LHX8: variants seen among roughly 807,000 people sequenced by gnomAD.
LHX8 encodes LIM homeobox 8.
A neutral mutation model predicts 40.3 loss-of-function variants in LHX8; 12 were observed. The observed-to-expected ratio is 0.30, with a 90% CI of 0.19 to 0.48. The LOEUF (loss-of-function observed/expected upper bound fraction) is 0.48. Among genes scored for constraint, LHX8 ranks in the 20% least tolerant of loss-of-function variants. LHX8 has a pLI of 0.99. For synonymous variants in LHX8, 179 were observed against 162.0 expected (o/e 1.10, Z -0.80); for missense variants, 344 against 433.7 (o/e 0.79, Z 1.84).
At chr1:75,170,057 A>G in the LHX8 span, among the ~76,000 whole-genome samples, 2 of 152,160 alleles carry the variant, frequency 1.3e-5, no homozygotes, top group Non-Finnish European at 2.9e-5. Context: ...AATGGCCACT[A>G]TGTGCTGTTT....
At chr1:75,129,739 A>G (rs1647913535), upstream of LHX8, among the ~76,000 whole-genome samples, 1 of 152,164 alleles carries the variant, frequency 6.6e-6, no homozygotes, top group South Asian at 2.1e-4. Flanking sequence ...GGGCTTTCAG[A>G]CATCCCTGGG....
chr1:75,171,877 T>G, the LHX8 span, among the ~76,000 whole-genome samples: 1 of 152,334 alleles, frequency 6.6e-6, no homozygotes, highest in African/African-American at 2.4e-5. Context: ...AGTCTGTGGC[T>G]TTGCTAATGG....
the LHX8 span, chr1:75,182,959 GTTAGCTGT>G: frequency 6.6e-6 from 1 of 152,106 alleles, no homozygotes; most frequent in South Asian, 2.1e-4. Context: ...ACTGAGAATG[GTTAGCTGT>G]TCACTCCTCT....
Position 75,135,965 on chromosome 1 carries a change from G to T in LHX8, c.-12-638G>T, listed in dbSNP as rs1648112710. On this transcript the variant is annotated intron_variant, in intron 1 of 8. Coordinates refer to ENST00000356261, the MANE Select transcript of LHX8 (RefSeq NM_001256114.2). The stretch of plus-strand genomic sequence containing the variant: ...AAGTTTACGAAAGAGCTGCTGGCTC[G>T]GTTTAATCTGAAGCATTTTCATTCA... Among the ~76,000 whole-genome samples the T allele has an allele frequency of 4.6e-5, 7 of 152,220 alleles. 1 individual carries two copies. In the South Asian group the frequency reaches 1.5e-3, roughly 32 times the overall value.
intron 7 of LHX8, among the ~76,000 whole-genome samples, chr1:75,150,440 G>A (rs1439911299): frequency 6.6e-6 from 1 of 152,150 alleles, no homozygotes; most frequent in Non-Finnish European, 1.5e-5. Flanking sequence ...CTAATGCCAT[G>A]AAATTAGATA....
intron 7 of LHX8, among the ~76,000 whole-genome samples, chr1:75,156,013 T>TA (rs1648753371): frequency 6.8e-6 from 1 of 147,518 alleles, no homozygotes; most frequent in African/African-American, 2.4e-5. Context: ...TTTTTTTTTT[T>TA]TAAGTTCTGA....
chr1:75,160,831 C>A lies in LHX8; in HGVS notation c.977C>A (p.Thr326Lys). 1 of 1,612,370 alleles carries A rather than the reference C, an allele frequency of 6.2e-7. No homozygotes were observed. The highest frequency in any genetic ancestry group is 8.5e-7 in the Non-Finnish European group (1 of 1,178,464). ...LHSYMDAHSP[T>K]TLGLQPLLPH... ...TTCTATTTTGTAGCTCATTCACCAA[C>A]AACTCTTGGACTCCAGCCCTTGTTA... The change falls in exon 9 of 9, where the codon ACA becomes AAA. Residue 326 changes from threonine to lysine, a missense_variant. Thr to Lys is a moderately conservative substitution (Grantham distance 78). Coordinates refer to ENST00000356261, the MANE Select transcript of LHX8 (RefSeq NM_001256114.2).
chr1:75,133,883 T>A (rs1648039592), upstream of LHX8, among the ~76,000 whole-genome samples: 2 of 152,202 alleles, frequency 1.3e-5, no homozygotes, highest in African/African-American at 4.8e-5. Context: ...CAGATGTTCC[T>A]TCTTTATCTT....
upstream of LHX8, chr1:75,133,154 A>T (rs1570281059): frequency 2.0e-5 from 3 of 152,108 alleles, no homozygotes; most frequent in African/African-American, 4.8e-5. Flanking sequence ...CGGCAGGGGG[A>T]TGGCTAATAT....
At chr1:75,171,557 T>C in the LHX8 span, among the ~76,000 whole-genome samples, 2 of 152,166 alleles carry the variant, frequency 1.3e-5, no homozygotes, top group African/African-American at 4.8e-5. Context: ...TGAGAATCAC[T>C]TATCCAAAGA....
At chr1:75,133,228 A>G (rs899936467), upstream of LHX8, among the ~76,000 whole-genome samples, 3 of 152,214 alleles carry the variant, frequency 2.0e-5, no homozygotes, top group African/African-American at 4.8e-5. Context: ...TGAAGACTCT[A>G]GTGTTTATGG....
Position 75,143,194 on chromosome 1 carries a change from G to T in LHX8, c.436G>T (p.Val146Phe), listed in dbSNP as rs775346408. 6.2e-7 allele frequency: 1 copy of T among 1,613,836 alleles called. No individual in the cohort carries two copies. Among genetic ancestry groups the T allele is most frequent in the Non-Finnish European group, 8.5e-7 (1 of 1,179,782 alleles). ...CTGGGTCCGGAGAGCCAAGGGGAAT[G>T]TCTATCACTTGGCATGCTTTGCCTG... The part of the protein sequence containing the change: ...TDWVRRAKGN[V>F]YHLACFACFS... Residue 146 changes from valine to phenylalanine, a missense_variant, in exon 5 of 9, where the codon GTC becomes TTC. By Grantham distance (50) the Val-to-Phe change is conservative (BLOSUM62 -1). Around this residue, in one of 3 missense-constraint regions of LHX8, gnomAD observed 147 missense variants for 250.8 expected, o/e 0.59. Transcript: ENST00000356261.
chr1:75,178,973 T>C, the LHX8 span, among the ~76,000 whole-genome samples: 2 of 152,312 alleles, frequency 1.3e-5, no homozygotes, highest in African/African-American at 4.8e-5. Context: ...TTCCATGTAG[T>C]TGTGTGGTTT....
intron 3 of LHX8, among the ~76,000 whole-genome samples, chr1:75,138,896 A>G (rs1218920800): frequency 6.6e-6 from 1 of 152,166 alleles, no homozygotes; most frequent in Non-Finnish European, 1.5e-5. Context: ...CCTTCCATGT[A>G]CAGTATTATT....
At chr1:75,144,467 A>G (rs1437073799) in intron 6 of LHX8, among the ~76,000 whole-genome samples, 2 of 152,160 alleles carry the variant, frequency 1.3e-5, no homozygotes, top group African/African-American at 4.8e-5. Context: ...GGTTGACTAC[A>G]ATTGAGCAGA....
At chr1:75,135,735 T>A (rs1299225576) in intron 1 of LHX8, among the ~76,000 whole-genome samples, 1 of 152,260 alleles carries the variant, frequency 6.6e-6, no homozygotes, top group East Asian at 1.9e-4. Flanking sequence ...CGCGCGTTGT[T>A]TCTTTAAAAC....
chr1:75,184,553 A>C, the LHX8 span, among the ~76,000 whole-genome samples: 4 of 152,252 alleles, frequency 2.6e-5, no homozygotes, highest in East Asian at 7.7e-4. Flanking sequence ...GCAGAAATCA[A>C]GTTCTTTGAA....
At chr1:75,149,282 G>T (rs185027053) in intron 7 of LHX8, among the ~76,000 whole-genome samples, 1 of 152,342 alleles carries the variant, frequency 6.6e-6, no homozygotes, top group Non-Finnish European at 1.5e-5. Flanking sequence ...TTTGGAAATA[G>T]TGGGAAATGA....
chr1:75,155,997 C>CT (rs200891522), intron 7 of LHX8, among the ~76,000 whole-genome samples: 3,902 of 130,470 alleles, frequency 0.03, 64 homozygotes, highest in African/African-American at 0.057. Context: ...ATTTAGTAGT[C>CT]TTTTTTTTTT....
Sources: gnomAD v4.1 joint callset for allele counts (sites outside exome capture counted in the v4.1 genomes callset) on GRCh38, gnomAD v4.1.1 for gene constraint, gnomAD v4.1.1 regional missense constraint, MANE v1.5 for transcripts, NCBI Gene and HGNC (gene_info 2026-07-23, HGNC 2026-07-21) for gene names.